The following RBBP6 variants were observed in gnomAD, a reference collection of about 807,000 sequenced individuals.
The protein encoded by RBBP6 is RB binding protein 6, ubiquitin ligase, also known as E3 ubiquitin-protein ligase RBBP6.
A neutral mutation model predicts 167.7 loss-of-function variants in RBBP6; 25 were observed. The ratio of observed to expected loss-of-function variants is 0.15; its 90% CI spans 0.11 to 0.21. The LOEUF is 0.21. Among genes scored for constraint, RBBP6 ranks in the 10% least tolerant of loss-of-function variants. The pLI is 1.00. For synonymous variants in RBBP6, 789 were observed against 735.8 expected, an observed-to-expected ratio of 1.07 and a Z score of -1.17; for missense variants, 1,868 against 2,134.2, an observed-to-expected ratio of 0.88 and a Z score of 2.46.
chr16:24,546,190 C>A lies in RBBP6; in HGVS notation c.194C>A (p.Pro65His). The change falls in exon 2 of 18, where the codon CCT (proline) becomes CAT (histidine). Residue 65 changes from proline to histidine, a missense_variant. This residue lies in a region of RBBP6 where 184 missense variants were observed against 327.7 expected (regional missense o/e 0.56). Coordinates refer to ENST00000319715, the MANE Select transcript of RBBP6 (RefSeq NM_006910.5). Reference protein sequence around the residue: ...EEYTDDNALIPKNSSVIVRRI... With the variant: ...EEYTDDNALIHKNSSVIVRRI... ...TATACTGATGATAATGCTCTGATTC[C>A]TAAGAATTCTTCTGTAATTGTTAGA... 6.3e-7 allele frequency: 1 copy of A among 1,585,628 alleles called. No homozygotes were observed.
chr16:24,556,913 T>C (rs1281416562), intron 7 of RBBP6, among the ~76,000 whole-genome samples: 1 of 152,122 alleles, frequency 6.6e-6, no homozygotes, highest in Non-Finnish European at 1.5e-5. Context: ...ATATGCCATG[T>C]GAGTCTTAAG....
At chr16:24,562,247 T>G in intron 10 of RBBP6, 86 bp downstream of exon 10, 8 of 1,244,872 alleles carry the variant, frequency 6.4e-6, no homozygotes, top group South Asian at 1.4e-5. Context: ...TTAACAGCTT[T>G]CTTAGTGGAC....
chr16:24,558,878 CTT>C (rs1366761393), intron 7 of RBBP6, among the ~76,000 whole-genome samples: 1 of 152,116 alleles, frequency 6.6e-6, no homozygotes, highest in Non-Finnish European at 1.5e-5. Context: ...ATTAACCTCT[CTT>C]AAAATACTAA....
intron 2 of RBBP6, among the ~76,000 whole-genome samples, chr16:24,547,848 T>C (rs895630960): frequency 6.6e-6 from 1 of 152,224 alleles, no homozygotes; most frequent in African/African-American, 2.4e-5. Context: ...AAATGGCAAA[T>C]GTATTTTCTG....
At chr16:24,561,187 A>G (rs895578244) in intron 8 of RBBP6, among the ~76,000 whole-genome samples, 8 of 151,726 alleles carry the variant, frequency 5.3e-5, no homozygotes, top group Admixed American at 3.3e-4. Flanking sequence ...ACAATATTCC[A>G]GTTACTAGCT....
At chr16:24,555,732 G>A in intron 5 of RBBP6, 29 bp downstream of exon 5, 1 of 1,601,178 alleles carries the variant, frequency 6.2e-7, no homozygotes, top group Non-Finnish European at 8.5e-7. Flanking sequence ...TATACTAATA[G>A]GAACTTTTGG....
chr16:24,571,891 A>T lies in RBBP6; in HGVS notation c.4825A>T (p.Lys1609Ter), dbSNP rs968562118. Residue 1609 changes from lysine (K) to a stop codon, truncating the protein, a stop_gained, in exon 18 of 18, where the codon AAG (lysine) becomes TAG (stop). Transcript: ENST00000319715. LOFTEE classifies it high-confidence loss of function. Reference protein sequence around the residue: ...EKEQITGQIDKSTVKPKPQLS... With the variant: ...EKEQITGQID ...AGAGCAAATTACTGGGCAAATTGAC[A>T]AGAGTACTGTCAAGCCTAAACCCCA... 3.7e-6 allele frequency: 6 copies of T among 1,614,054 alleles called. No homozygotes were observed. Among genetic ancestry groups the T allele is most frequent in the African/African-American group, 1.3e-5 (1 of 74,940 alleles).
At position 24,548,919 on chromosome 16, in the gene RBBP6, ATTTTTG is replaced by A. The variant is rs548507486; in HGVS notation, c.267-20_267-15del. On this transcript the variant is annotated intron_variant, in intron 2 of 17. Coordinates refer to ENST00000319715, the MANE Select transcript of RBBP6 (RefSeq NM_006910.5). ...AAAAATTCATAAATAGCTAATGTTA[ATTTTTG>A]TTTTTATTTTGTGTTTTAGAAGTCG... 3.6e-5 allele frequency: 57 copies of A among 1,576,644 alleles called. No homozygotes were observed. In the Admixed American group the frequency reaches 9.9e-4, roughly 27 times the overall value.
At chr16:24,544,492 A>C (rs943133449) in intron 1 of RBBP6, among the ~76,000 whole-genome samples, 2 of 152,220 alleles carry the variant, frequency 1.3e-5, no homozygotes, top group Non-Finnish European at 1.5e-5. Context: ...ATTAATATAC[A>C]TTAAAAGCCG....
chr16:24,555,050 A>G (rs1898882046), intron 4 of RBBP6: 1 of 152,254 alleles, frequency 6.6e-6, no homozygotes, highest in South Asian at 2.1e-4. Context: ...GACCCTGCTT[A>G]CATCTAGACC....
intron 1 of RBBP6, among the ~76,000 whole-genome samples, chr16:24,541,300 T>C (rs1898490838): frequency 6.6e-6 from 1 of 152,168 alleles, no homozygotes; most frequent in South Asian, 2.1e-4. Flanking sequence ...TATTTGGAGT[T>C]GCTTGCCTGT....
At chr16:24,552,004 G>GA (rs1898808293) in intron 3 of RBBP6, among the ~76,000 whole-genome samples, 1 of 151,394 alleles carries the variant, frequency 6.6e-6, no homozygotes, top group African/African-American at 2.4e-5. Flanking sequence ...GTTCTTAAAG[G>GA]AAAAAAATAC....
intron 8 of RBBP6, among the ~76,000 whole-genome samples, chr16:24,561,162 T>C (rs1899044722): frequency 6.6e-6 from 1 of 152,190 alleles, no homozygotes; most frequent in Non-Finnish European, 1.5e-5. Context: ...ATCTTATATT[T>C]CTCTTTTGTT....
chr16:24,552,102 T>C (rs909567223), intron 3 of RBBP6, among the ~76,000 whole-genome samples: 1 of 151,852 alleles, frequency 6.6e-6, no homozygotes, highest in Non-Finnish European at 1.5e-5. Flanking sequence ...AACTCTTTTA[T>C]AGTCAGTTCC....
rs771747143 is a variant in RBBP6, at chr16:24,571,348, G to C, written c.4282G>C (p.Glu1428Gln). 68 of 1,613,994 alleles carry C rather than the reference G, an allele frequency of 4.2e-5. No individual in the cohort carries two copies. The highest frequency in any genetic ancestry group is 5.4e-5 in the Non-Finnish European group (64 of 1,180,016). Reference protein sequence around the residue: ...KRKNSTQPEKESNLDRLNEQG... With the variant: ...KRKNSTQPEKQSNLDRLNEQG... Reference sequence around the variant, plus strand: ...GAAGAACAGCACTCAGCCAGAGAAAGAGAGTAATTTGGACCGTCTGAATGA... The same window carrying C: ...GAAGAACAGCACTCAGCCAGAGAAACAGAGTAATTTGGACCGTCTGAATGA... Residue 1428 changes from glutamate (E) to glutamine (Q), a missense_variant, in exon 18 of 18, where the codon GAG (glutamate) becomes CAG (glutamine). This residue lies in a region of RBBP6 where 591 missense variants were observed against 540.5 expected (regional missense o/e 1.09). Transcript: ENST00000319715.
Position 24,540,589 on chromosome 16 carries a change from C to T in RBBP6, c.-38C>T, listed in dbSNP as rs752597668. On this transcript the variant is annotated 5_prime_UTR_variant, in exon 1 of 18. Transcript: ENST00000319715. ...TAAATATACGTATATTGAGAGTGTC[C>T]ACGTCTCCTCGCTGAACCTTAGGAA... is the stretch of plus-strand genomic sequence containing the variant. The T allele has an allele frequency of 2.5e-6, 4 of 1,571,792 alleles. No homozygotes were observed. Among genetic ancestry groups the T allele is most frequent in the Non-Finnish European group, 3.5e-6 (4 of 1,149,746 alleles).
At chr16:24,551,981 C>A (rs927809334) in intron 3 of RBBP6, among the ~76,000 whole-genome samples, 5 of 151,492 alleles carry the variant, frequency 3.3e-5, no homozygotes, top group Admixed American at 1.3e-4. Context: ...TTTCTACTTA[C>A]CACTTGAGAT....
intron 3 of RBBP6, among the ~76,000 whole-genome samples, chr16:24,550,671 C>T (rs917605777): frequency 2.0e-5 from 3 of 151,086 alleles, no homozygotes; most frequent in African/African-American, 7.3e-5. Context: ...TTGTGTGTTC[C>T]GGCATGTCTG....
chr16:24,548,963 G>A lies in RBBP6; in HGVS notation c.285G>A (p.Ala95=), dbSNP rs148048189. The A allele has an allele frequency of 6.8e-6, 11 of 1,610,348 alleles. No homozygotes were observed. Among genetic ancestry groups the A allele is most frequent in the Admixed American group, 1.7e-5 (1 of 59,800 alleles). Residue 95 remains alanine, a synonymous_variant, in exon 3 of 18, where the codon GCG becomes GCA. Transcript: ENST00000319715. ...GTTTTAGAAGTCGAACTGAACCAGC[G>A]ATGGCAACTACAAAAGCAGTATGTA... The part of the protein sequence containing the change: ...KTYVISRTEP[A]MATTKAIDDS...
Sources: gnomAD v4.1 joint callset for allele counts (sites outside exome capture counted in the v4.1 genomes callset) on GRCh38, gnomAD v4.1.1 for gene constraint, gnomAD v4.1.1 regional missense constraint, MANE v1.5 for transcripts, NCBI Gene and HGNC (gene_info 2026-07-23, HGNC 2026-07-21) for gene names.